Variants in ADAMTS18 observed in about 807,000 individuals in gnomAD.
ADAMTS18 encodes A disintegrin and metalloproteinase with thrombospondin motifs 18.
Under a neutral mutation model 165.9 loss-of-function variants are expected in ADAMTS18, and 157 were observed. The observed-to-expected ratio is 0.95, with a 90% CI of 0.83 to 1.08. The LOEUF (loss-of-function observed/expected upper bound fraction) is 1.08, where lower values mean the gene tolerates loss of function less well. Ranked by LOEUF, ADAMTS18 falls within the 50% of genes least tolerant of loss-of-function variation. ADAMTS18 has a pLI of 0.00. For synonymous variants in ADAMTS18, 782 were observed against 578.2 expected (o/e 1.35, Z -5.06); for missense variants, 2,040 against 1,534.0 (o/e 1.33, Z -5.51).
Position 77,290,029 on chromosome 16 carries a change from A to G in ADAMTS18, c.3403-618T>C, listed in dbSNP as rs1040418520. ...CTTCATAACAAAAGGAAAACCAGGGAAAAATGTAGCCCTTTAAATGGATTT... is the reference window on the plus strand; with the variant it reads ...CTTCATAACAAAAGGAAAACCAGGGGAAAATGTAGCCCTTTAAATGGATTT... On this transcript the variant is annotated intron_variant, in intron 21 of 22. Coordinates refer to ENST00000282849, the MANE Select transcript of ADAMTS18 (RefSeq NM_199355.4). 9.9e-5 allele frequency among the ~76,000 whole-genome samples: 15 copies of G among 152,214 alleles called. No individual in the cohort carries two copies. In the East Asian group the frequency reaches 1.2e-3, roughly 12 times the overall value.
intron 18 of ADAMTS18, 80 bp downstream of exon 18, chr16:77,297,209 G>A (rs2055490223): frequency 6.4e-7 from 1 of 1,567,722 alleles, no homozygotes; most frequent in East Asian, 2.2e-5. Context: ...AGTATTCACA[G>A]TGAGCTTTCA....
chr16:77,370,677 G>C (rs151063852), intron 3 of ADAMTS18, among the ~76,000 whole-genome samples: 306 of 152,204 alleles, frequency 2.0e-3, no homozygotes, highest in African/African-American at 7.1e-3. Flanking sequence ...TTGAACTCAG[G>C]AGGCGGAGGT....
chr16:77,333,196 G>A (rs1016974690), intron 12 of ADAMTS18, among the ~76,000 whole-genome samples: 16 of 151,874 alleles, frequency 1.1e-4, no homozygotes, highest in East Asian at 3.9e-4. Flanking sequence ...ACCTTCCCTC[G>A]GTGCACATGG....
intron 3 of ADAMTS18, among the ~76,000 whole-genome samples, chr16:77,378,420 T>C (rs2056984564): frequency 6.6e-6 from 1 of 151,880 alleles, no homozygotes; most frequent in African/African-American, 2.4e-5. Flanking sequence ...ATACTTTTAA[T>C]GTGCTAAAAA....
intron 7 of ADAMTS18, among the ~76,000 whole-genome samples, chr16:77,361,019 G>C (rs1387875438): frequency 1.3e-5 from 2 of 152,172 alleles, no homozygotes; most frequent in South Asian, 2.1e-4. Context: ...ATGGGAGGCA[G>C]AGGTTGCAGT....
At chr16:77,423,355 T>G (rs62043623) in intron 3 of ADAMTS18, among the ~76,000 whole-genome samples, 28,224 of 152,182 alleles carry the variant, frequency 0.19, 2,945 homozygotes, top group Non-Finnish European at 0.23. Context: ...TGAAAAGTCC[T>G]CTGCAGAGGA....
chr16:77,289,133 G>T (rs1262875193), intron 22 of ADAMTS18, 131 bp downstream of exon 22: 6 of 1,187,278 alleles, frequency 5.1e-6, no homozygotes, highest in Non-Finnish European at 1.2e-6. Flanking sequence ...AGGGAGCACT[G>T]TCACATAGAC....
intron 3 of ADAMTS18, among the ~76,000 whole-genome samples, chr16:77,408,618 G>A (rs1214967008): frequency 6.6e-6 from 1 of 152,126 alleles, no homozygotes; most frequent in Non-Finnish European, 1.5e-5. Context: ...GCACTCTATT[G>A]ATTGCATGTA....
chr16:77,401,369 T>C (rs4888625), intron 3 of ADAMTS18, among the ~76,000 whole-genome samples: 93,216 of 152,176 alleles, frequency 0.61, 29,566 homozygotes, highest in Non-Finnish European at 0.71. Flanking sequence ...CTAGATGCCA[T>C]TTTCAGACCT....
At chr16:77,317,916 T>C (rs962634096) in intron 16 of ADAMTS18, among the ~76,000 whole-genome samples, 6 of 152,040 alleles carry the variant, frequency 3.9e-5, no homozygotes, top group East Asian at 3.9e-4. Context: ...CTCTGAAAAA[T>C]TGCCTTATTC....
At chr16:77,349,331 C>T (rs149238564) in intron 10 of ADAMTS18, among the ~76,000 whole-genome samples, 5 of 151,982 alleles carry the variant, frequency 3.3e-5, no homozygotes, top group South Asian at 2.1e-4. Context: ...CAAGGAGATT[C>T]CTAGTGAGCT....
At chr16:77,324,850 C>G (rs1396962698) in intron 13 of ADAMTS18, among the ~76,000 whole-genome samples, 1 of 152,112 alleles carries the variant, frequency 6.6e-6, no homozygotes, top group Non-Finnish European at 1.5e-5. Context: ...CTATAGGTAC[C>G]TCATTACTTC....
Position 77,431,485 on chromosome 16 carries a change from G to A in ADAMTS18, c.305C>T (p.Ser102Leu). 6.2e-7 allele frequency: 1 copy of A among 1,614,214 alleles called. No homozygotes were observed. The highest frequency in any genetic ancestry group is 8.5e-7 in the Non-Finnish European group (1 of 1,180,048). Residue 102 changes from serine to leucine, a missense_variant, in exon 3 of 23, where the codon TCA (serine) becomes TTA (leucine). Physicochemically the swap from Ser to Leu is moderately radical, Grantham distance 145 (BLOSUM62 -2). Coordinates refer to ENST00000282849, the MANE Select transcript of ADAMTS18 (RefSeq NM_199355.4). ...TAAGTGCAGTTCCTGTCCAAATGCT[G>A]AAAATCGGTAGTGCAGGGAGCTTCT... The part of the protein sequence containing the change: ...NARSSLHYRF[S>L]AFGQELHLEL...
intron 3 of ADAMTS18, among the ~76,000 whole-genome samples, chr16:77,368,590 C>T (rs1189060618): frequency 6.6e-6 from 1 of 151,974 alleles, no homozygotes; most frequent in Non-Finnish European, 1.5e-5. Context: ...GTACACACCA[C>T]TATGCTCAGA....
rs188721016 is a variant in ADAMTS18 at position 77,359,505 on chromosome 16, C to G, written c.1217-82G>C. ...TGATGATTTATGTCCTCAAAATGTT[C>G]TACACAGTTTTAGTTTAATAGATCA... On this transcript the variant is annotated intron_variant, in intron 7 of 22. Coordinates refer to ENST00000282849, the MANE Select transcript of ADAMTS18 (RefSeq NM_199355.4). 2,245 of 1,148,096 alleles carry G rather than the reference C, an allele frequency of 2.0e-3. 2 individuals carry two copies. Among genetic ancestry groups the G allele is most frequent in the Admixed American group, 2.8e-3 (138 of 50,050 alleles). The allele number at this position is 1,148,096 out of a possible 1,614,324, so 71.1% of individuals were successfully genotyped here. A position where few individuals can be genotyped will look rare whatever the true frequency, so the allele number is the denominator to read the frequency against.
intron 3 of ADAMTS18, among the ~76,000 whole-genome samples, chr16:77,374,090 G>A (rs192382947): frequency 6.6e-6 from 1 of 151,842 alleles, no homozygotes; most frequent in Non-Finnish European, 1.5e-5. Flanking sequence ...GTGGTGGCAG[G>A]CACCTGTAAT....
intron 16 of ADAMTS18, 22 bp from the exon 17 acceptor site, chr16:77,300,426 T>C (rs1597094349): frequency 1.9e-6 from 3 of 1,613,700 alleles, no homozygotes; most frequent in Non-Finnish European, 2.5e-6. Flanking sequence ...AAGATAAAAA[T>C]CAGAGATCAA....
chr16:77,361,282 A>G (rs1011363516), intron 7 of ADAMTS18, among the ~76,000 whole-genome samples: 5 of 152,220 alleles, frequency 3.3e-5, no homozygotes, highest in Admixed American at 6.5e-5. Context: ...TTAGACAGCC[A>G]TCCATCAACT....
chr16:77,370,444 A>G (rs2056860368), intron 3 of ADAMTS18, among the ~76,000 whole-genome samples: 1 of 152,154 alleles, frequency 6.6e-6, no homozygotes, highest in African/African-American at 2.4e-5. Flanking sequence ...ACAGTGAGCT[A>G]TCTGAAAAAG....
Sources: gnomAD v4.1 joint callset for allele counts (sites outside exome capture counted in the v4.1 genomes callset) on GRCh38, gnomAD v4.1.1 for gene constraint, MANE v1.5 for transcripts, NCBI Gene and HGNC (gene_info 2026-07-23, HGNC 2026-07-21) for gene names.